The following SAFB variants were observed in gnomAD, a reference collection of about 807,000 sequenced individuals.
SAFB encodes scaffold attachment factor B, also known as scaffold attachment factor B1.
Under a neutral mutation model 101.6 loss-of-function variants are expected in SAFB, and 15 were observed. The observed-to-expected ratio is 0.15, with a 90% CI of 0.10 to 0.23. SAFB has a LOEUF of 0.23. Ranked by LOEUF, SAFB falls within the 10% of genes least tolerant of loss-of-function variation. SAFB has a pLI of 1.00. For synonymous variants in SAFB, 449 were observed against 407.5 expected, an observed-to-expected ratio of 1.10 and a Z score of -1.23; for missense variants, 930 against 1,104.1, an observed-to-expected ratio of 0.84 and a Z score of 2.23.
At chr19:5,625,189 T>C (rs2053330948) in intron 1 of SAFB, among the ~76,000 whole-genome samples, 2 of 152,220 alleles carry the variant, frequency 1.3e-5, no homozygotes. Flanking sequence ...TCTCTTCCCG[T>C]TTCTGTCATC....
chr19:5,623,312 T>C lies in SAFB; in HGVS notation c.107T>C (p.Val36Ala). 1 of 1,613,650 alleles carries C rather than the reference T, an allele frequency of 6.2e-7. No individual in the cohort carries two copies. Among genetic ancestry groups the C allele is most frequent in the Non-Finnish European group, 8.5e-7 (1 of 1,179,866 alleles). The change falls in exon 1 of 21, where the codon GTG (valine) becomes GCG (alanine). Residue 36 changes from valine to alanine, a missense_variant. Physicochemically the swap from Val to Ala is moderately conservative, Grantham distance 64. This residue lies in a region of SAFB where 119 missense variants were observed against 171.4 expected (regional missense o/e 0.69). Transcript: ENST00000588852. ...ACGCGGCGCCTCAGCGACCTGCGAGTGATCGATCTGCGGGCGGAGCTGAGG... is the reference window on the plus strand; with the variant it reads ...ACGCGGCGCCTCAGCGACCTGCGAGCGATCGATCTGCGGGCGGAGCTGAGG... ...TGTRRLSDLR[V>A]IDLRAELRKR...
chr19:5,633,647 C>T (rs574327636), intron 2 of SAFB, among the ~76,000 whole-genome samples: 4 of 152,158 alleles, frequency 2.6e-5, no homozygotes, highest in Admixed American at 2.0e-4. Context: ...GGCGTGGTGG[C>T]GGGCGCCTGT....
intron 2 of SAFB, among the ~76,000 whole-genome samples, chr19:5,635,712 G>A (rs1275839587): frequency 2.0e-5 from 3 of 152,104 alleles, no homozygotes; most frequent in Non-Finnish European, 4.4e-5. Context: ...CAGTCTCTGA[G>A]GCAGAAGCTT....
intron 14 of SAFB, among the ~76,000 whole-genome samples, chr19:5,659,583 G>A (rs186211721): frequency 2.4e-4 from 37 of 151,766 alleles, no homozygotes; most frequent in African/African-American, 8.7e-4. Flanking sequence ...GGGTTTCACC[G>A]TGTTAGCCAG....
chr19:5,647,283 G>A (rs1272072934), intron 5 of SAFB, among the ~76,000 whole-genome samples: 1 of 152,224 alleles, frequency 6.6e-6, no homozygotes, highest in Non-Finnish European at 1.5e-5. Flanking sequence ...GGCAGGGGAG[G>A]GCTGGGCCTG....
At chr19:5,632,609 A>G (rs1452876896) in intron 2 of SAFB, among the ~76,000 whole-genome samples, 1 of 152,168 alleles carries the variant, frequency 6.6e-6, no homozygotes, top group Non-Finnish European at 1.5e-5. Context: ...GTTTTCTTTA[A>G]TCTTGAACAC....
At chr19:5,641,687 TG>T in intron 3 of SAFB, 29 bp downstream of exon 3, 1 of 1,613,298 alleles carries the variant, frequency 6.2e-7, no homozygotes, top group Non-Finnish European at 8.5e-7. Flanking sequence ...GTGAGTAGCG[TG>T]GTGGATGGAC....
intron 6 of SAFB, 152 bp from the exon 7 acceptor site, chr19:5,648,837 T>C: frequency 1.8e-6 from 1 of 560,348 alleles, no homozygotes; most frequent in Middle Eastern, 3.8e-4. Flanking sequence ...GTGTAACCAG[T>C]ATAACTTTGT....
At chr19:5,625,737 G>A (rs1274326897) in intron 1 of SAFB, among the ~76,000 whole-genome samples, 1 of 152,180 alleles carries the variant, frequency 6.6e-6, no homozygotes. Flanking sequence ...GGCTGGGCGT[G>A]CCAAGAAATT....
chr19:5,650,086 G>A (rs1185058582), intron 8 of SAFB, 111 bp downstream of exon 8: 2 of 834,568 alleles, frequency 2.4e-6, no homozygotes, highest in African/African-American at 3.4e-5. Context: ...AGACTCCTGA[G>A]ACGTTTGTGC....
chr19:5,640,034 A>T (rs1056441653), intron 2 of SAFB, among the ~76,000 whole-genome samples: 22 of 151,922 alleles, frequency 1.4e-4, no homozygotes, highest in Non-Finnish European at 2.6e-4. Flanking sequence ...GGTTTTTTTT[A>T]GTAGAGACAG....
In SAFB at chr19:5,623,409, C is replaced by G; in HGVS notation, c.189+15C>G. 1 of 1,610,026 alleles carries G rather than the reference C, an allele frequency of 6.2e-7. No individual in the cohort carries two copies. Among genetic ancestry groups the G allele is most frequent in the Non-Finnish European group, 8.5e-7 (1 of 1,176,750 alleles). On this transcript the variant is annotated intron_variant, in intron 1 of 20. Transcript: ENST00000588852. ...GGCTGAAGAAGGTGGATTTGGGGCCCCGAGGGCGGGCACAGGGTGGGTCTG... is the reference window on the plus strand; with the variant it reads ...GGCTGAAGAAGGTGGATTTGGGGCCGCGAGGGCGGGCACAGGGTGGGTCTG...
chr19:5,642,923 T>C (rs2145433108), intron 4 of SAFB, among the ~76,000 whole-genome samples: 1 of 152,128 alleles, frequency 6.6e-6, no homozygotes, highest in Non-Finnish European at 1.5e-5. Context: ...TGCCTCAGAC[T>C]CCCAAAGTGC....
At chr19:5,643,658 C>T (rs2053768012) in intron 4 of SAFB, among the ~76,000 whole-genome samples, 1 of 152,096 alleles carries the variant, frequency 6.6e-6, no homozygotes, top group African/African-American at 2.4e-5. Context: ...AAGCTGGAAA[C>T]ATCCTAAATG....
At chr19:5,655,741 A>G (rs553081558) in intron 13 of SAFB, among the ~76,000 whole-genome samples, 1 of 152,318 alleles carries the variant, frequency 6.6e-6, no homozygotes, top group East Asian at 1.9e-4. Context: ...ATAATATGTC[A>G]TAGCCTTTTA....
intron 13 of SAFB, 77 bp from the exon 14 acceptor site, chr19:5,657,164 G>C (rs1025129059): frequency 9.4e-7 from 1 of 1,058,580 alleles, no homozygotes. Context: ...CCTGAACTTT[G>C]AAAGTGCTTG....
intron 1 of SAFB, 96 bp downstream of exon 1, chr19:5,623,490 G>C (rs569474763): frequency 9.3e-6 from 10 of 1,077,434 alleles, no homozygotes; most frequent in East Asian, 2.9e-5. Flanking sequence ...CCCCGGCCGC[G>C]TTCGCGGCCT....
intron 15 of SAFB, 146 bp from the exon 16 acceptor site, chr19:5,663,876 A>G: frequency 1.2e-6 from 1 of 846,850 alleles, no homozygotes; most frequent in East Asian, 2.6e-5. Context: ...CACTGGGGTC[A>G]AATCAGACCT....
chr19:5,626,546 A>G (rs780859872), intron 2 of SAFB, 57 bp downstream of exon 2: 15 of 1,002,528 alleles, frequency 1.5e-5, no homozygotes, highest in Admixed American at 1.4e-4. Context: ...AAACGAATAC[A>G]TTGCTAATGT....
Sources: allele counts gnomAD v4.1 joint callset (sites outside exome capture counted in the v4.1 genomes callset), GRCh38; gene constraint gnomAD v4.1.1; regional missense constraint gnomAD v4.1.1; transcripts MANE v1.5; gene names NCBI Gene and HGNC (gene_info 2026-07-23, HGNC 2026-07-21).